Variants in PRKCH observed in about 807,000 individuals in gnomAD.
The protein encoded by PRKCH is protein kinase C eta type.
Under a neutral mutation model 82.5 loss-of-function variants are expected in PRKCH, and 28 were observed. The ratio of observed to expected loss-of-function variants is 0.34; its 90% CI spans 0.25 to 0.47. The LOEUF (loss-of-function observed/expected upper bound fraction) is 0.47, where lower values mean the gene tolerates loss of function less well. Among genes scored for constraint, PRKCH ranks in the 20% least tolerant of loss-of-function variants. PRKCH has a pLI of 1.00. For missense variants in PRKCH, 705 were observed against 881.8 expected, an observed-to-expected ratio of 0.80 and a Z score of 2.54; for synonymous variants, 322 against 327.4, an observed-to-expected ratio of 0.98 and a Z score of 0.18.
chr14:61,390,788 C>A (rs140323637), intron 1 of PRKCH: 39 of 156,814 alleles, frequency 2.5e-4, no homozygotes, highest in East Asian at 1.1e-3. Context: ...ACTTTTTACT[C>A]CATAAAACTA....
intron 1 of PRKCH, among the ~76,000 whole-genome samples, chr14:61,204,743 AGAGT>A: frequency 1.3e-5 from 2 of 150,284 alleles, no homozygotes; most frequent in East Asian, 3.9e-4. Flanking sequence ...CCTGGACAAT[AGAGT>A]GAGACCCTTT....
chr14:61,207,437 A>C lies in PRKCH; in HGVS notation c.-19+19769A>C, dbSNP rs140123111. Among the ~76,000 whole-genome samples the C allele has an allele frequency of 6.6e-5, 10 of 152,334 alleles. No homozygotes were observed. The East Asian group carries it at 1.9e-3, about 29-fold the overall frequency. On this transcript the variant is annotated intron_variant, in intron 1 of 3. Coordinates refer to the PRKCH transcript ENST00000555185. Reference sequence around the variant, plus strand: ...TCCACTTGCACATGAGCTCCTGGACATTAAGTCCCCTTTGGTTTATGCTTT... The same window carrying C: ...TCCACTTGCACATGAGCTCCTGGACCTTAAGTCCCCTTTGGTTTATGCTTT...
chr14:61,190,353 T>A (rs1182841554), intron 1 of PRKCH, among the ~76,000 whole-genome samples: 1 of 152,192 alleles, frequency 6.6e-6, no homozygotes, highest in Non-Finnish European at 1.5e-5. Context: ...CATATCATTG[T>A]CCCCAAAAGA....
chr14:61,508,810 T>C (rs961580647), intron 10 of PRKCH, among the ~76,000 whole-genome samples: 1 of 152,108 alleles, frequency 6.6e-6, no homozygotes, highest in East Asian at 1.9e-4. Flanking sequence ...TAAATGGTCT[T>C]TTTTTGCTAA....
At chr14:61,217,479 G>C (rs140239718) in intron 1 of PRKCH, among the ~76,000 whole-genome samples, 1 of 152,302 alleles carries the variant, frequency 6.6e-6, no homozygotes, top group East Asian at 1.9e-4. Context: ...GTAGAGGGCA[G>C]ATTAGTGCTA....
At chr14:61,398,874 A>G (rs2046823651) in intron 2 of PRKCH, among the ~76,000 whole-genome samples, 1 of 152,238 alleles carries the variant, frequency 6.6e-6, no homozygotes, top group Admixed American at 6.5e-5. Context: ...CATTTGCAAT[A>G]TATGGGCCAC....
At chr14:61,537,277 C>T (rs1314153918) in intron 12 of PRKCH, among the ~76,000 whole-genome samples, 2 of 152,082 alleles carry the variant, frequency 1.3e-5, no homozygotes, top group East Asian at 3.9e-4. Context: ...CAGAAATTAA[C>T]ACAAAAAAGG....
chr14:61,210,772 C>CTGTGTGTGTG (rs1249726064), intron 1 of PRKCH, among the ~76,000 whole-genome samples: 4 of 135,148 alleles, frequency 3.0e-5, no homozygotes, highest in East Asian at 4.5e-4. Flanking sequence ...CTCTCTCTCT[C>CTGTGTGTGTG]TCTCTCTCTC....
chr14:61,420,476 G>C (rs1450803771), intron 2 of PRKCH, among the ~76,000 whole-genome samples: 1 of 152,170 alleles, frequency 6.6e-6, no homozygotes, highest in Non-Finnish European at 1.5e-5. Flanking sequence ...CTCAGGGAGG[G>C]AATTTGCTGC....
Position 61,443,130 on chromosome 14 carries a change from G to A in PRKCH, c.447G>A (p.Arg149=). ...SFTEATLQRD[R]IFKHFTRKRQ... is the part of the protein sequence containing the mutation. ...ATATAGCTACTCTCCAGAGAGACCG[G>A]ATCTTCAAACATTTTACCAGGAAGC... The change falls in exon 3 of 14, where the codon CGG becomes CGA. Residue 149 remains arginine, a synonymous_variant. Transcript: ENST00000332981. 1 of 1,613,780 alleles carries A rather than the reference G, an allele frequency of 6.2e-7. No individual in the cohort carries two copies. Among genetic ancestry groups the A allele is most frequent in the Non-Finnish European group, 8.5e-7 (1 of 1,179,836 alleles).
intron 10 of PRKCH, among the ~76,000 whole-genome samples, chr14:61,506,300 C>T (rs1887145356): frequency 6.6e-6 from 1 of 152,146 alleles, no homozygotes; most frequent in Non-Finnish European, 1.5e-5. Context: ...GGAATTTCTC[C>T]ATATTGCGGC....
intron 1 of PRKCH, among the ~76,000 whole-genome samples, chr14:61,328,181 C>T (rs888017216): frequency 2.2e-5 from 3 of 136,830 alleles, no homozygotes; most frequent in East Asian, 2.4e-4. Flanking sequence ...ACCCGGGAAG[C>T]GGAGCTTGCA....
intron 1 of PRKCH, among the ~76,000 whole-genome samples, chr14:61,276,095 G>C (rs571520376): frequency 3.3e-5 from 5 of 152,172 alleles, no homozygotes; most frequent in Admixed American, 3.3e-4. Flanking sequence ...AATTCCTGAC[G>C]AACTGCTGCT....
intron 1 of PRKCH, among the ~76,000 whole-genome samples, chr14:61,350,691 C>T (rs780566769): frequency 1.3e-4 from 20 of 152,194 alleles, no homozygotes; most frequent in Non-Finnish European, 2.6e-4. Context: ...TGCTTTACAA[C>T]GCTTTACCCA....
intron 1 of PRKCH, among the ~76,000 whole-genome samples, chr14:61,222,673 G>C (rs983752510): frequency 6.6e-6 from 1 of 152,134 alleles, no homozygotes; most frequent in African/African-American, 2.4e-5. Context: ...TAAAATATTC[G>C]ACTTCTACCT....
intron 2 of PRKCH, among the ~76,000 whole-genome samples, chr14:61,430,385 A>T (rs578220268): frequency 2.0e-5 from 3 of 152,382 alleles, no homozygotes; most frequent in South Asian, 4.1e-4. Context: ...ACCGCTTTGA[A>T]AAATGGTCTG....
intron 9 of PRKCH, among the ~76,000 whole-genome samples, chr14:61,473,672 T>C (rs945391437): frequency 6.6e-6 from 1 of 152,202 alleles, no homozygotes; most frequent in Non-Finnish European, 1.5e-5. Context: ...GTCATCCATG[T>C]CCTCTTGGTA....
intron 1 of PRKCH, among the ~76,000 whole-genome samples, chr14:61,386,044 T>G (rs2046582805): frequency 6.6e-6 from 1 of 152,236 alleles, no homozygotes; most frequent in Non-Finnish European, 1.5e-5. Flanking sequence ...AAGCTACAGA[T>G]GGGTAATGTG....
At chr14:61,304,278 A>T (rs368530194) in intron 1 of PRKCH, 23 of 152,236 alleles carry the variant, frequency 1.5e-4, no homozygotes, top group African/African-American at 5.3e-4. Flanking sequence ...ACATGAATTG[A>T]GAGTCCTACA....
Sources: allele counts gnomAD v4.1 joint callset (sites outside exome capture counted in the v4.1 genomes callset), GRCh38; gene constraint gnomAD v4.1.1; transcripts MANE v1.5; gene names NCBI Gene and HGNC (gene_info 2026-07-23, HGNC 2026-07-21).